Variants in RUFY3 observed in about 807,000 individuals in gnomAD.
RUFY3 encodes the protein RUN and FYVE domain containing 3, also known as protein RUFY3.
A neutral mutation model predicts 84.0 loss-of-function variants in RUFY3; 34 were observed. The ratio of observed to expected loss-of-function variants is 0.40; its 90% CI spans 0.31 to 0.54. RUFY3 has a LOEUF of 0.54. Ranked by LOEUF, RUFY3 falls within the 20% of genes least tolerant of loss-of-function variation. RUFY3 has a pLI of 0.39. For synonymous variants in RUFY3, 242 were observed against 252.9 expected, an observed-to-expected ratio of 0.96 and a Z score of 0.41; for missense variants, 507 against 736.8, an observed-to-expected ratio of 0.69 and a Z score of 3.61.
intron 14 of RUFY3, among the ~76,000 whole-genome samples, chr4:70,798,321 A>T (rs1189845430): frequency 6.6e-6 from 1 of 152,108 alleles, no homozygotes; most frequent in Non-Finnish European, 1.5e-5. Context: ...GTGAGCTGTG[A>T]TCATGCCACT....
chr4:70,753,150 A>G (rs1485426228), intron 1 of RUFY3, among the ~76,000 whole-genome samples: 1 of 152,090 alleles, frequency 6.6e-6, no homozygotes, highest in Non-Finnish European at 1.5e-5. Flanking sequence ...GAAATTGTCC[A>G]TTTTGTCTAG....
intron 10 of RUFY3, among the ~76,000 whole-genome samples, chr4:70,788,601 GGGCA>G (rs1199271730): frequency 6.6e-6 from 1 of 151,914 alleles, no homozygotes; most frequent in Non-Finnish European, 1.5e-5. Context: ...GTACATTATT[GGGCA>G]AATGTTATTG....
upstream of RUFY3, among the ~76,000 whole-genome samples, chr4:70,718,582 C>T (rs1476337453): frequency 1.3e-5 from 2 of 152,078 alleles, no homozygotes; most frequent in Non-Finnish European, 2.9e-5. Flanking sequence ...TTCAATACAG[C>T]TCATACAGTA....
At chr4:70,769,244 T>G (rs1278831480) in intron 5 of RUFY3, among the ~76,000 whole-genome samples, 50 of 152,110 alleles carry the variant, frequency 3.3e-4, no homozygotes, top group Admixed American at 3.3e-3. Context: ...GAGGATCACT[T>G]AAGCTTGGGA....
At chr4:70,736,954 A>G (rs1720416244) in intron 1 of RUFY3, among the ~76,000 whole-genome samples, 2 of 152,268 alleles carry the variant, frequency 1.3e-5, no homozygotes, top group South Asian at 2.1e-4. Context: ...AGACAGTTTT[A>G]GAAAAATTGT....
intron 1 of RUFY3, among the ~76,000 whole-genome samples, chr4:70,711,049 G>T (rs1740929736): frequency 1.8e-5 from 2 of 114,074 alleles, no homozygotes; most frequent in Admixed American, 1.2e-4. Flanking sequence ...GGGCCACAGA[G>T]CAAGACTCCG....
intron 1 of RUFY3, among the ~76,000 whole-genome samples, chr4:70,736,645 C>A (rs1720357036): frequency 6.6e-6 from 1 of 151,950 alleles, no homozygotes; most frequent in South Asian, 2.1e-4. Context: ...GGTCTCAGCT[C>A]ACTGCAACCT....
chr4:70,794,014 T>C (rs1445544396), intron 13 of RUFY3, 110 bp downstream of exon 13: 6 of 1,188,254 alleles, frequency 5.0e-6, no homozygotes, highest in Non-Finnish European at 7.0e-6. Flanking sequence ...GTCTTTGCAA[T>C]GTCCTTTCTC....
intron 1 of RUFY3, among the ~76,000 whole-genome samples, chr4:70,761,777 A>G (rs1392156874): frequency 6.6e-6 from 1 of 152,256 alleles, no homozygotes; most frequent in Non-Finnish European, 1.5e-5. Flanking sequence ...CTAGTACTGC[A>G]TTATACTAAT....
rs1400000936 is a variant in RUFY3, at chr4:70,793,773, G to A, written c.1338-12G>A. ...TTGTTTTTTATCACAAGTTCATGTG[G>A]CTCACATCCAGATTGCGCCAGGCTG... On this transcript the variant is annotated splice_polypyrimidine_tract_variant and intron_variant, in intron 12 of 17. Coordinates refer to ENST00000381006, the MANE Select transcript of RUFY3 (RefSeq NM_001037442.4). The A allele has an allele frequency of 1.2e-6, 2 of 1,613,752 alleles. No individual in the cohort carries two copies. Among genetic ancestry groups the A allele is most frequent in the Admixed American group, 1.7e-5 (1 of 59,970 alleles).
chr4:70,718,779 G>A (rs1741939356), upstream of RUFY3, among the ~76,000 whole-genome samples: 1 of 151,368 alleles, frequency 6.6e-6, no homozygotes, highest in African/African-American at 2.4e-5. Flanking sequence ...GTGCAGTGGT[G>A]CAATCTCACC....
At chr4:70,758,388 C>G (rs995070665) in intron 1 of RUFY3, among the ~76,000 whole-genome samples, 3 of 151,784 alleles carry the variant, frequency 2.0e-5, no homozygotes, top group African/African-American at 7.3e-5. Flanking sequence ...CCCAGCACTT[C>G]GGGAGGCCAA....
At chr4:70,755,159 C>A (rs752209292) in intron 1 of RUFY3, among the ~76,000 whole-genome samples, 1 of 151,964 alleles carries the variant, frequency 6.6e-6, no homozygotes, top group Admixed American at 6.6e-5. Flanking sequence ...CCTGAGCCAC[C>A]GCGTGAGCCA....
intron 1 of RUFY3, among the ~76,000 whole-genome samples, chr4:70,707,560 TG>T (rs1158214814): frequency 2.0e-5 from 3 of 152,206 alleles, no homozygotes; most frequent in Admixed American, 6.5e-5. Flanking sequence ...TGGTGTTTTT[TG>T]TTACCACGTA....
At position 70,765,209 on chromosome 4, in the gene RUFY3, G is replaced by GTATA. The variant is rs59630867; in HGVS notation, c.572+647_572+650dup. On this transcript the variant is annotated intron_variant, in intron 4 of 17. Coordinates refer to ENST00000381006, the MANE Select transcript of RUFY3 (RefSeq NM_001037442.4). ...TCTCAAAAAAAAAAAAAAAAAATGT[G>GTATA]TATATATATATATATATTTGTAAAA... Among the ~76,000 whole-genome samples the GTATA allele has an allele frequency of 5.1e-3, 706 of 137,200 alleles. 8 individuals carry two copies. The highest frequency in any genetic ancestry group is 0.012 in the African/African-American group (455 of 36,844). 90.0% of individuals were successfully genotyped at this position (137,200 alleles called of 152,430 possible). A position where few individuals can be genotyped will look rare whatever the true frequency, so the allele number is the denominator to read the frequency against.
intron 8 of RUFY3, among the ~76,000 whole-genome samples, chr4:70,780,787 C>T (rs1168046023): frequency 6.6e-6 from 1 of 152,134 alleles, no homozygotes; most frequent in Non-Finnish European, 1.5e-5. Flanking sequence ...TAATTTTATT[C>T]CCTCAGTCAT....
At chr4:70,749,437 C>A (rs985824197) in intron 1 of RUFY3, among the ~76,000 whole-genome samples, 6 of 151,242 alleles carry the variant, frequency 4.0e-5, no homozygotes, top group African/African-American at 1.5e-4. Flanking sequence ...AAATGTATAC[C>A]TAACCAAGAA....
In RUFY3 at chr4:70,784,248, C is replaced by G. The variant is rs1460480482; in HGVS notation, c.988-548C>G. Among the ~76,000 whole-genome samples the G allele has an allele frequency of 4.6e-5, 7 of 152,324 alleles. No homozygotes were observed. The East Asian group carries it at 1.3e-3, about 29-fold the overall frequency. ...CCTGTAATCCCAGCACTTTGGGAGG[C>G]CAAGGAGGCAGATCACTTGAGGTCG... On this transcript the variant is annotated intron_variant, in intron 9 of 17. Coordinates refer to ENST00000381006, the MANE Select transcript of RUFY3 (RefSeq NM_001037442.4).
chr4:70,746,476 C>T (rs1286020884), intron 1 of RUFY3, among the ~76,000 whole-genome samples: 1 of 147,136 alleles, frequency 6.8e-6, no homozygotes, highest in East Asian at 2.0e-4. Flanking sequence ...CATTGCATTC[C>T]AGCCTGGGTG....
Sources: allele counts gnomAD v4.1 joint callset (sites outside exome capture counted in the v4.1 genomes callset), GRCh38; gene constraint gnomAD v4.1.1; transcripts MANE v1.5; gene names NCBI Gene and HGNC (gene_info 2026-07-23, HGNC 2026-07-21).